METTL15: variants seen among roughly 807,000 people sequenced by gnomAD.
The protein encoded by METTL15 is 12S rRNA N(4)-cytidine methyltransferase METTL15.
In METTL15, 34 loss-of-function variants were observed where a neutral mutation model predicts 38.3. The observed-to-expected ratio is 0.89, with a 90% CI of 0.68 to 1.18. METTL15 has a LOEUF of 1.18. Ranked by LOEUF, METTL15 falls within the 50% of genes most tolerant of loss-of-function variation. The pLI, the probability that METTL15 is intolerant of heterozygous loss-of-function variation, is 0.00. For missense variants in METTL15, 438 were observed against 498.4 expected (o/e 0.88, Z 1.15); for synonymous variants, 162 against 170.9 (o/e 0.95, Z 0.41).
At chr11:28,364,869 G>A (rs1479161418) in intron 5 of METTL15, among the ~76,000 whole-genome samples, 1 of 152,162 alleles carries the variant, frequency 6.6e-6, no homozygotes, top group Non-Finnish European at 1.5e-5. Flanking sequence ...CTAATCTGTT[G>A]AGAGTTTTGA....
chr11:28,345,773 T>C (rs528236329), intron 3 of METTL15, among the ~76,000 whole-genome samples: 1 of 152,256 alleles, frequency 6.6e-6, no homozygotes, highest in South Asian at 2.1e-4. Context: ...AGCAAACTCA[T>C]AGCAACATCT....
intron 3 of METTL15, among the ~76,000 whole-genome samples, chr11:28,135,255 A>G (rs1010110726): frequency 6.6e-6 from 1 of 152,204 alleles, no homozygotes; most frequent in African/African-American, 2.4e-5. Flanking sequence ...ATACTTGACC[A>G]GATTATTGGT....
intron 6 of METTL15, among the ~76,000 whole-genome samples, chr11:28,521,551 G>A (rs4922805): frequency 0.45 from 68,472 of 151,806 alleles, 16,012 homozygotes; most frequent in Admixed American, 0.54. Context: ...AGGTAGGGCC[G>A]TGTGCTGAAT....
rs991210050 is a variant in METTL15, at chr11:28,176,458, A to G, written c.271-34604A>G. The stretch of plus-strand genomic sequence containing the variant: ...ATTTTTACTAGCTATGCCCTTGGGC[A>G]TGTTACTCTACTCCTCTGTGTACCA... On this transcript the variant is annotated intron_variant, in intron 3 of 6. Transcript: ENST00000407364. 9.8e-5 allele frequency among the ~76,000 whole-genome samples: 15 copies of G among 152,306 alleles called. 1 individual carries two copies. In the East Asian group the frequency reaches 2.9e-3, roughly 29 times the overall value.
chr11:28,425,846 T>G (rs1050733894), intron 6 of METTL15, among the ~76,000 whole-genome samples: 2 of 152,196 alleles, frequency 1.3e-5, no homozygotes, highest in Non-Finnish European at 2.9e-5. Context: ...TGACCAAGAT[T>G]GGCAATATAG....
At chr11:28,457,346 TG>T (rs1186589740) in intron 6 of METTL15, among the ~76,000 whole-genome samples, 3 of 152,188 alleles carry the variant, frequency 2.0e-5, no homozygotes, top group Admixed American at 6.5e-5. Context: ...TTTTTGTTGT[TG>T]TTGTTGTTTT....
chr11:28,379,181 C>G (rs543096299), intron 5 of METTL15, among the ~76,000 whole-genome samples: 47 of 131,254 alleles, frequency 3.6e-4, no homozygotes, highest in African/African-American at 1.4e-3. Context: ...TATTGATCTT[C>G]TGTATTGTTA....
chr11:28,226,422 T>C (rs2133874366), intron 4 of METTL15, among the ~76,000 whole-genome samples: 1 of 152,136 alleles, frequency 6.6e-6, no homozygotes, highest in Admixed American at 6.5e-5. Context: ...GGAAGCCAGC[T>C]AACATAGTAA....
intron 3 of METTL15, among the ~76,000 whole-genome samples, chr11:28,141,459 G>A (rs888478606): frequency 1.3e-5 from 2 of 152,162 alleles, no homozygotes; most frequent in Middle Eastern, 3.4e-3. Flanking sequence ...GAGGCAGGAG[G>A]ATTGCTTAAG....
intron 5 of METTL15, among the ~76,000 whole-genome samples, chr11:28,293,931 G>A (rs1856627135): frequency 6.6e-6 from 1 of 152,160 alleles, no homozygotes; most frequent in African/African-American, 2.4e-5. Flanking sequence ...TGCTGAAGTT[G>A]CCTATCAGCT....
intron 3 of METTL15, among the ~76,000 whole-genome samples, chr11:28,207,135 C>T (rs1424974586): frequency 6.7e-6 from 1 of 150,046 alleles, no homozygotes; most frequent in African/African-American, 2.5e-5. Flanking sequence ...GCCAGAACTT[C>T]CCACACTATA....
At chr11:28,236,204 T>C (rs1428422867) in intron 4 of METTL15, among the ~76,000 whole-genome samples, 1 of 152,154 alleles carries the variant, frequency 6.6e-6, no homozygotes, top group East Asian at 1.9e-4. Context: ...CTGTATTCGG[T>C]TTGCCAGTAT....
At chr11:28,410,006 G>T (rs1378474649) in intron 5 of METTL15, among the ~76,000 whole-genome samples, 1 of 152,036 alleles carries the variant, frequency 6.6e-6, no homozygotes, top group Non-Finnish European at 1.5e-5. Flanking sequence ...AAATGAATTA[G>T]ATAAACCAGA....
At chr11:28,181,957 G>T (rs546536590) in intron 3 of METTL15, among the ~76,000 whole-genome samples, 5 of 152,208 alleles carry the variant, frequency 3.3e-5, no homozygotes, top group Admixed American at 6.5e-5. Context: ...ATTCTAACTG[G>T]TGTGAGATGA....
intron 4 of METTL15, among the ~76,000 whole-genome samples, chr11:28,277,189 A>G (rs1472728938): frequency 1.3e-5 from 2 of 152,192 alleles, no homozygotes; most frequent in African/African-American, 4.8e-5. Flanking sequence ...TTCAAAAACT[A>G]CAAATAGAAT....
intron 4 of METTL15, among the ~76,000 whole-genome samples, chr11:28,222,939 GAA>G (rs1319345135): frequency 2.0e-5 from 3 of 152,170 alleles, no homozygotes; most frequent in Admixed American, 6.5e-5. Flanking sequence ...ATTAAACTGT[GAA>G]AAGATGCTCC....
At chr11:28,377,176 C>T (rs1166911755) in intron 5 of METTL15, among the ~76,000 whole-genome samples, 1 of 147,562 alleles carries the variant, frequency 6.8e-6, no homozygotes, top group African/African-American at 2.5e-5. Context: ...TTGTGGCGTT[C>T]TCTGTATTTC....
chr11:28,222,672 T>C (rs1346779755), intron 4 of METTL15, among the ~76,000 whole-genome samples: 1 of 152,192 alleles, frequency 6.6e-6, no homozygotes, highest in Admixed American at 6.5e-5. Context: ...ACTGGACCTG[T>C]TCCTATTCGG....
At chr11:28,188,291 TC>T (rs1851578446) in intron 3 of METTL15, among the ~76,000 whole-genome samples, 1 of 151,354 alleles carries the variant, frequency 6.6e-6, no homozygotes, top group South Asian at 2.1e-4. Flanking sequence ...ATTTTAATAC[TC>T]TGACAAAGTC....
Sources: gnomAD v4.1 joint callset for allele counts (sites outside exome capture counted in the v4.1 genomes callset) on GRCh38, gnomAD v4.1.1 for gene constraint, MANE v1.5 for transcripts, NCBI Gene and HGNC (gene_info 2026-07-23, HGNC 2026-07-21) for gene names.